The following RGS21 variants were observed in gnomAD, a reference collection of about 807,000 sequenced individuals.
RGS21 encodes regulator of G-protein signalling 21.
In RGS21, 19 loss-of-function variants were observed where a neutral mutation model predicts 18.7. That is an observed-to-expected ratio of 1.01 (90% CI 0.71 to 1.49). RGS21 has a LOEUF of 1.49. RGS21 is among the 40% of genes most tolerant of loss of function. The pLI is 0.00. For missense variants in RGS21, 194 were observed against 176.8 expected (o/e 1.10, Z -0.55); for synonymous variants, 56 against 57.8 (o/e 0.97, Z 0.14).
chr1:192,337,486 C>T (rs1658788604), intron 1 of RGS21, among the ~76,000 whole-genome samples: 1 of 151,912 alleles, frequency 6.6e-6, no homozygotes, highest in African/African-American at 2.4e-5. Context: ...TTATTAATAT[C>T]TCCCATGACT....
intron 1 of RGS21, among the ~76,000 whole-genome samples, chr1:192,321,589 A>T (rs1033810099): frequency 3.3e-5 from 5 of 152,066 alleles, no homozygotes; most frequent in African/African-American, 7.2e-5. Context: ...GACACTTCAT[A>T]AAAAGGAGCT....
At chr1:192,331,653 T>C (rs1358760529) in intron 1 of RGS21, among the ~76,000 whole-genome samples, 6 of 151,822 alleles carry the variant, frequency 4.0e-5, no homozygotes, top group African/African-American at 1.2e-4. Context: ...TAAAAACCTA[T>C]TGAGTGGCAC....
intron 2 of RGS21, among the ~76,000 whole-genome samples, chr1:192,343,640 G>A (rs976056650): frequency 6.6e-6 from 1 of 152,056 alleles, no homozygotes; most frequent in African/African-American, 2.4e-5. Context: ...TGCTGGCCTT[G>A]ATGGCACTTG....
intron 1 of RGS21, among the ~76,000 whole-genome samples, chr1:192,334,339 T>A (rs1387918929): frequency 6.6e-6 from 1 of 152,114 alleles, no homozygotes; most frequent in Non-Finnish European, 1.5e-5. Flanking sequence ...GCTATTACAG[T>A]CAAGATCAAA....
Position 192,366,015 on chromosome 1 carries a change from G to A in RGS21, c.350G>A (p.Cys117Tyr). 6.2e-7 allele frequency: 1 copy of A among 1,609,972 alleles called. No homozygotes were observed. Among genetic ancestry groups the A allele is most frequent in the Non-Finnish European group, 8.5e-7 (1 of 1,176,780 alleles). The change falls in exon 5 of 5, where the codon TGT (cysteine) becomes TAT (tyrosine). Residue 117 changes from cysteine to tyrosine, a missense_variant. Physicochemically the swap from Cys to Tyr is radical, Grantham distance 194. Coordinates refer to ENST00000417209, the MANE Select transcript of RGS21 (RefSeq NM_001039152.3). Reference sequence around the variant, plus strand: ...GATGAGGCTCAGAAATTAATCTATTGTCTCATGGCCAAGGATTCTTTCCCT... The same window carrying A: ...GATGAGGCTCAGAAATTAATCTATTATCTCATGGCCAAGGATTCTTTCCCT... ...CFDEAQKLIY[C>Y]LMAKDSFPRF...
Position 192,352,197 on chromosome 1 carries a change from C to A in RGS21, c.239C>A (p.Ala80Asp), listed in dbSNP as rs1370126478. ...ATGATTTATTCTGAATTCATTGAAG[C>A]TGATGCACCTAAAGAGGTGAGTGAA... ...AKMIYSEFIE[A>D]DAPKEINIDF... The change falls in exon 4 of 5, where the codon GCT (alanine) becomes GAT (aspartate). Residue 80 changes from alanine to aspartate, a missense_variant. Physicochemically the swap from Ala to Asp is moderately radical, Grantham distance 126 (BLOSUM62 -2). Coordinates refer to ENST00000417209, the MANE Select transcript of RGS21 (RefSeq NM_001039152.3). 6.2e-7 allele frequency: 1 copy of A among 1,606,600 alleles called. No individual in the cohort carries two copies. Among genetic ancestry groups the A allele is most frequent in the South Asian group, 1.1e-5 (1 of 90,162 alleles).
Position 192,366,299 on chromosome 1 carries a change from A to AT in RGS21, c.*178dup. 1 of 552,398 alleles carries AT rather than the reference A, an allele frequency of 1.8e-6. No individual in the cohort carries two copies. The highest frequency in any genetic ancestry group is 2.2e-5 in the South Asian group (1 of 46,376). The allele number at this position is 552,398 out of a possible 1,614,324, so 34.2% of individuals were successfully genotyped here. ...TTTCTAACTCAGTTGTTTAGAATGT[A>AT]TTTGCTTTACCAGCTATTTAATCTC... On this transcript the variant is annotated 3_prime_UTR_variant, in exon 5 of 5. Coordinates refer to ENST00000417209, the MANE Select transcript of RGS21 (RefSeq NM_001039152.3).
chr1:192,367,157 A>T lies in RGS21; in HGVS notation c.*1033A>T, dbSNP rs959355817. On this transcript the variant is annotated 3_prime_UTR_variant, in exon 5 of 5. Coordinates refer to ENST00000417209, the MANE Select transcript of RGS21 (RefSeq NM_001039152.3). ...TCTGCATTGATATTTCTGCTTTTAG[A>T]TTGTTTGAACATTAAAAAATGGAGG... The T allele has an allele frequency of 2.0e-5, 3 of 152,004 alleles. No homozygotes were observed. The highest frequency in any genetic ancestry group is 2.0e-4 in the Admixed American group (3 of 15,218). 9.4% of individuals were successfully genotyped at this position (152,004 alleles called of 1,614,324 possible).
At chr1:192,348,642 C>A (rs1476443139) in intron 3 of RGS21, among the ~76,000 whole-genome samples, 1 of 152,140 alleles carries the variant, frequency 6.6e-6, no homozygotes, top group South Asian at 2.1e-4. Context: ...TCTTAGTTAA[C>A]ACAACTTACA....
At chr1:192,333,470 A>T (rs537428236) in intron 1 of RGS21, among the ~76,000 whole-genome samples, 6 of 152,230 alleles carry the variant, frequency 3.9e-5, no homozygotes, top group Admixed American at 3.9e-4. Context: ...ACAGTGATAC[A>T]CACATACTAT....
At chr1:192,357,148 G>A (rs188955157) in intron 4 of RGS21, among the ~76,000 whole-genome samples, 9 of 151,902 alleles carry the variant, frequency 5.9e-5, no homozygotes, top group Non-Finnish European at 8.8e-5. Flanking sequence ...AATGTATTTC[G>A]AAGAAGTAAC....
intron 2 of RGS21, among the ~76,000 whole-genome samples, chr1:192,345,634 C>A (rs1658934612): frequency 6.6e-6 from 1 of 151,964 alleles, no homozygotes; most frequent in Admixed American, 6.6e-5. Context: ...TTTTATTTTT[C>A]AGTTTTTCCT....
intron 2 of RGS21, among the ~76,000 whole-genome samples, chr1:192,346,502 T>A (rs528543720): frequency 6.6e-6 from 1 of 152,244 alleles, no homozygotes; most frequent in African/African-American, 2.4e-5. Context: ...TGGTTTTATT[T>A]CTGGGCAGCA....
At chr1:192,351,467 T>C (rs912814959) in intron 3 of RGS21, among the ~76,000 whole-genome samples, 1 of 152,062 alleles carries the variant, frequency 6.6e-6, no homozygotes, top group Admixed American at 6.6e-5. Flanking sequence ...TTACCCTGAA[T>C]TGAGTATAAC....
At chr1:192,344,457 C>A (rs1044583606) in intron 2 of RGS21, among the ~76,000 whole-genome samples, 2 of 151,984 alleles carry the variant, frequency 1.3e-5, no homozygotes, top group Non-Finnish European at 2.9e-5. Flanking sequence ...TGGAATAAAA[C>A]AGACTGTTAT....
intron 1 of RGS21, among the ~76,000 whole-genome samples, chr1:192,337,900 G>C (rs72732954): frequency 6.6e-6 from 1 of 152,084 alleles, no homozygotes; most frequent in Non-Finnish European, 1.5e-5. Context: ...CATAAGAAAA[G>C]ACATTTTTAC....
chr1:192,317,024 A>C lies in RGS21; in HGVS notation c.-142A>C, dbSNP rs1246203245. 1 of 151,924 alleles carries C rather than the reference A, an allele frequency of 6.6e-6. No individual in the cohort carries two copies. Among genetic ancestry groups the C allele is most frequent in the East Asian group, 1.9e-4 (1 of 5,198 alleles). The allele number at this position is 151,924 out of a possible 1,614,324, so 9.4% of individuals were successfully genotyped here. ...CTTGGAAAACAATTCATCTGAAAGA[A>C]GCACAGATTTTCTCATCTATCCTGT... On this transcript the variant is annotated 5_prime_UTR_variant, in exon 1 of 5. Coordinates refer to ENST00000417209, the MANE Select transcript of RGS21 (RefSeq NM_001039152.3).
At chr1:192,361,058 A>G (rs903274259) in intron 4 of RGS21, among the ~76,000 whole-genome samples, 7 of 151,592 alleles carry the variant, frequency 4.6e-5, no homozygotes, top group Non-Finnish European at 1.0e-4. Flanking sequence ...ATATGTTAAG[A>G]CTCTCCCCTC....
intron 1 of RGS21, among the ~76,000 whole-genome samples, chr1:192,321,000 C>T (rs1462300954): frequency 1.3e-5 from 2 of 151,854 alleles, no homozygotes; most frequent in African/African-American, 4.8e-5. Context: ...GTAATATTAC[C>T]ATGACTCTAT....
Sources: gnomAD v4.1 joint callset for allele counts (sites outside exome capture counted in the v4.1 genomes callset) on GRCh38, gnomAD v4.1.1 for gene constraint, MANE v1.5 for transcripts, NCBI Gene and HGNC (gene_info 2026-07-23, HGNC 2026-07-21) for gene names.